The following EPB41L3 variants were observed in gnomAD, a reference collection of about 807,000 sequenced individuals.
EPB41L3 encodes the protein band 4.1-like protein 3.
EPB41L3 carries 57 observed loss-of-function variants against 127.1 expected under a neutral mutation model. That is an observed-to-expected ratio of 0.45 (90% CI 0.36 to 0.56). The LOEUF is 0.56. Ranked by LOEUF, EPB41L3 falls within the 20% of genes least tolerant of loss-of-function variation. EPB41L3 has a pLI of 0.00. For synonymous variants in EPB41L3, 572 were observed against 549.5 expected (o/e 1.04, Z -0.57); for missense variants, 1,273 against 1,372.2 (o/e 0.93, Z 1.14).
intron 13 of EPB41L3, among the ~76,000 whole-genome samples, chr18:5,413,752 T>A (rs1321606022): frequency 3.9e-5 from 6 of 152,196 alleles, no homozygotes; most frequent in African/African-American, 1.4e-4. Flanking sequence ...AGGAGAGCTA[T>A]CATATAGGCT....
intron 3 of EPB41L3, among the ~76,000 whole-genome samples, chr18:5,575,129 GA>G (rs1402617893): frequency 6.6e-6 from 1 of 152,204 alleles, no homozygotes; most frequent in Non-Finnish European, 1.5e-5. Context: ...TCTCAGCCAT[GA>G]AAACTGGTTT....
At chr18:5,621,184 G>T (rs958766302) in intron 1 of EPB41L3, among the ~76,000 whole-genome samples, 1 of 152,056 alleles carries the variant, frequency 6.6e-6, no homozygotes, top group Admixed American at 6.6e-5. Flanking sequence ...TTGATGTTAG[G>T]CGTCACTGTA....
intron 1 of EPB41L3, among the ~76,000 whole-genome samples, chr18:5,501,897 A>C (rs1317073113): frequency 6.6e-6 from 1 of 152,170 alleles, no homozygotes; most frequent in Non-Finnish European, 1.5e-5. Context: ...AAGTTCTCTG[A>C]AGGTGCTGAT....
chr18:5,428,286 C>A, intron 9 of EPB41L3, 27 bp downstream of exon 9: 1 of 1,611,342 alleles, frequency 6.2e-7, no homozygotes, highest in Non-Finnish European at 8.5e-7. Context: ...TTCCTCCCAA[C>A]GCACAGGCAA....
intron 3 of EPB41L3, among the ~76,000 whole-genome samples, chr18:5,585,442 T>C (rs1436779097): frequency 6.6e-6 from 1 of 152,178 alleles, no homozygotes; most frequent in Non-Finnish European, 1.5e-5. Flanking sequence ...TAGCTGAGAC[T>C]ACAGGCATGC....
chr18:5,398,269 T>A, intron 16 of EPB41L3, 126 bp from the exon 17 acceptor site: 3 of 1,095,408 alleles, frequency 2.7e-6, no homozygotes, highest in Non-Finnish European at 3.9e-6. Context: ...AACGAAGGAA[T>A]CTCAGAGTTT....
At chr18:5,427,505 A>AAAACAAAC (rs151031708) in intron 9 of EPB41L3, among the ~76,000 whole-genome samples, 1 of 152,106 alleles carries the variant, frequency 6.6e-6, no homozygotes, top group Non-Finnish European at 1.5e-5. Context: ...TCTCTGACTT[A>AAAACAAAC]AAACAAACAA....
intron 3 of EPB41L3, among the ~76,000 whole-genome samples, chr18:5,580,792 A>G (rs1270968896): frequency 6.6e-6 from 1 of 152,222 alleles, no homozygotes; most frequent in East Asian, 1.9e-4. Flanking sequence ...GTCTCCCTCC[A>G]GCACATATCA....
intron 1 of EPB41L3, among the ~76,000 whole-genome samples, chr18:5,519,316 C>T (rs2092889983): frequency 6.6e-6 from 1 of 152,196 alleles, no homozygotes; most frequent in African/African-American, 2.4e-5. Context: ...GTATGGGAAA[C>T]CCATCGCGAC....
chr18:5,512,168 G>A (rs1459932936), intron 1 of EPB41L3, among the ~76,000 whole-genome samples: 2 of 152,064 alleles, frequency 1.3e-5, no homozygotes, highest in Non-Finnish European at 2.9e-5. Context: ...AAAAAGACAT[G>A]GATATAAATT....
At chr18:5,454,092 T>A (rs1323212591) in intron 3 of EPB41L3, among the ~76,000 whole-genome samples, 1 of 152,106 alleles carries the variant, frequency 6.6e-6, no homozygotes, top group Non-Finnish European at 1.5e-5. Context: ...ACACCTGGAC[T>A]CTGTGTAAGT....
At chr18:5,423,692 T>C in intron 10 of EPB41L3, 139 bp from the exon 11 acceptor site, 1 of 778,150 alleles carries the variant, frequency 1.3e-6, no homozygotes, top group South Asian at 2.0e-5. Flanking sequence ...TAAATCTGAT[T>C]TCATAAAAGA....
chr18:5,481,535 C>G (rs975936778), intron 2 of EPB41L3, among the ~76,000 whole-genome samples: 1 of 152,202 alleles, frequency 6.6e-6, no homozygotes, highest in African/African-American at 2.4e-5. Flanking sequence ...TGCAGGAGAC[C>G]TGCCCTTGCC....
intron 8 of EPB41L3, among the ~76,000 whole-genome samples, chr18:5,432,207 C>T (rs145893982): frequency 1.3e-5 from 2 of 152,312 alleles, no homozygotes; most frequent in African/African-American, 4.8e-5. Context: ...CCAGTATCAA[C>T]AGAACCTACA....
chr18:5,484,988 C>T (rs72868422), intron 2 of EPB41L3, among the ~76,000 whole-genome samples: 4 of 151,170 alleles, frequency 2.6e-5, no homozygotes, highest in Admixed American at 2.6e-4. Flanking sequence ...ACTCATGCTA[C>T]AAGGTCAATA....
chr18:5,609,473 C>T (rs1267830874), intron 3 of EPB41L3, among the ~76,000 whole-genome samples: 1 of 152,154 alleles, frequency 6.6e-6, no homozygotes, highest in African/African-American at 2.4e-5. Context: ...CCAGGCCTGG[C>T]CCTGCATGCA....
intron 3 of EPB41L3, among the ~76,000 whole-genome samples, chr18:5,601,369 TC>T (rs1305648864): frequency 6.6e-6 from 1 of 152,116 alleles, no homozygotes; most frequent in Non-Finnish European, 1.5e-5. Context: ...CCCTGTGCTA[TC>T]CCAGGGCTGG....
At chr18:5,617,853 T>C (rs1166912834) in intron 1 of EPB41L3, among the ~76,000 whole-genome samples, 1 of 152,140 alleles carries the variant, frequency 6.6e-6, no homozygotes, top group African/African-American at 2.4e-5. Context: ...GGATAGTATG[T>C]CCAAAGAAAT....
intron 3 of EPB41L3, among the ~76,000 whole-genome samples, chr18:5,566,359 CA>C (rs1336607894): frequency 6.6e-6 from 1 of 152,112 alleles, no homozygotes; most frequent in Non-Finnish European, 1.5e-5. Flanking sequence ...CTCCCATTCA[CA>C]ATTGCTTCAA....
Sources: gnomAD v4.1 joint callset for allele counts (sites outside exome capture counted in the v4.1 genomes callset) on GRCh38, gnomAD v4.1.1 for gene constraint, MANE v1.5 for transcripts, NCBI Gene and HGNC (gene_info 2026-07-23, HGNC 2026-07-21) for gene names.